The following ARHGAP22 variants were observed in gnomAD, a reference collection of about 807,000 sequenced individuals.
The protein encoded by ARHGAP22 is Rho GTPase activating protein 22.
ARHGAP22 carries 48 observed loss-of-function variants against 59.1 expected under a neutral mutation model. That is an observed-to-expected ratio of 0.81 (90% CI 0.64 to 1.03). The LOEUF (loss-of-function observed/expected upper bound fraction) is 1.03, where lower values mean the gene tolerates loss of function less well. Among genes scored for constraint, ARHGAP22 ranks in the 50% least tolerant of loss-of-function variants. The pLI is 0.00. For missense variants in ARHGAP22, 1,015 were observed against 958.7 expected (o/e 1.06, Z -0.78); for synonymous variants, 445 against 416.4 (o/e 1.07, Z -0.84).
At chr10:48,536,454 A>G (rs1326976048) in intron 3 of ARHGAP22, among the ~76,000 whole-genome samples, 2 of 152,242 alleles carry the variant, frequency 1.3e-5, no homozygotes, top group Non-Finnish European at 1.5e-5. Context: ...GGTCAGACCC[A>G]GCTCTACTGT....
intron 3 of ARHGAP22, among the ~76,000 whole-genome samples, chr10:48,542,318 T>C (rs2056033693): frequency 6.6e-6 from 1 of 152,256 alleles, no homozygotes; most frequent in Non-Finnish European, 1.5e-5. Context: ...AACTAGGGCA[T>C]GTGCTCAGTG....
chr10:48,473,541 A>G (rs9308224), intron 4 of ARHGAP22, among the ~76,000 whole-genome samples: 96,408 of 128,716 alleles, frequency 0.75, 32,911 homozygotes, highest in Non-Finnish European at 0.81. Flanking sequence ...TACTCAGAGA[A>G]CGCTGAGGAC....
chr10:48,441,744 G>A (rs901831006), downstream of ARHGAP22, among the ~76,000 whole-genome samples: 5 of 152,236 alleles, frequency 3.3e-5, no homozygotes, highest in East Asian at 3.9e-4. Flanking sequence ...GAGCCACCGC[G>A]CCCGGCCAGG....
chr10:48,575,313 G>C (rs59419235), intron 2 of ARHGAP22: 37,977 of 152,192 alleles, frequency 0.25, 6,885 homozygotes, highest in East Asian at 0.65. Context: ...GGAGAATGGA[G>C]TAACAGAGTT....
intron 1 of ARHGAP22, among the ~76,000 whole-genome samples, chr10:48,602,808 C>A (rs11595921): frequency 6.6e-6 from 1 of 152,062 alleles, no homozygotes; most frequent in African/African-American, 2.4e-5. Flanking sequence ...ATGGTAAATA[C>A]CATAAAGAAA....
At chr10:48,587,210 C>A (rs182498342) in intron 1 of ARHGAP22, among the ~76,000 whole-genome samples, 1 of 152,206 alleles carries the variant, frequency 6.6e-6, no homozygotes, top group Non-Finnish European at 1.5e-5. Flanking sequence ...CCATCTCAAG[C>A]CAGCAAGGGG....
downstream of ARHGAP22, among the ~76,000 whole-genome samples, chr10:48,443,661 G>A (rs1045572458): frequency 1.3e-5 from 2 of 152,168 alleles, no homozygotes; most frequent in African/African-American, 4.8e-5. Context: ...GGGCTCTGCA[G>A]GGGCCTGGGG....
At chr10:48,463,739 C>CT (rs2047380557) in intron 4 of ARHGAP22, among the ~76,000 whole-genome samples, 1 of 152,350 alleles carries the variant, frequency 6.6e-6, no homozygotes, top group East Asian at 1.9e-4. Flanking sequence ...CTGCCTGCCA[C>CT]TACTCCAGAC....
intron 3 of ARHGAP22, among the ~76,000 whole-genome samples, chr10:48,513,741 G>A (rs1220671193): frequency 6.6e-6 from 1 of 152,274 alleles, no homozygotes; most frequent in East Asian, 1.9e-4. Flanking sequence ...AAGATTGTAA[G>A]ATACCCAAGA....
chr10:48,457,257 G>A (rs1013986295), intron 5 of ARHGAP22, among the ~76,000 whole-genome samples: 5 of 152,060 alleles, frequency 3.3e-5, no homozygotes, highest in African/African-American at 7.2e-5. Context: ...CCTAGAGTCC[G>A]TTTCTCATCA....
At chr10:48,588,381 C>T (rs1351475345) in intron 1 of ARHGAP22, among the ~76,000 whole-genome samples, 2 of 152,236 alleles carry the variant, frequency 1.3e-5, no homozygotes, top group Non-Finnish European at 2.9e-5. Context: ...CAATCACACA[C>T]ATATTAGGCT....
intron 3 of ARHGAP22, among the ~76,000 whole-genome samples, chr10:48,527,970 A>G (rs1435335838): frequency 6.6e-6 from 1 of 152,206 alleles, no homozygotes; most frequent in African/African-American, 2.4e-5. Context: ...AGGAGGCTGG[A>G]CACCAGCTTT....
At chr10:48,565,509 A>G (rs1260065988) in intron 2 of ARHGAP22, among the ~76,000 whole-genome samples, 1 of 152,162 alleles carries the variant, frequency 6.6e-6, no homozygotes, top group Non-Finnish European at 1.5e-5. Flanking sequence ...TATTGCTGTG[A>G]TCATGCATTA....
chr10:48,518,177 C>G (rs2053475359), intron 3 of ARHGAP22, among the ~76,000 whole-genome samples: 1 of 152,128 alleles, frequency 6.6e-6, no homozygotes, highest in Non-Finnish European at 1.5e-5. Flanking sequence ...GAGCAAGGCC[C>G]GCAGGACGGC....
rs147675619 is a variant in ARHGAP22 at position 48,485,330 on chromosome 10, C to A, written c.323-5566G>T. On this transcript the variant is annotated intron_variant, in intron 3 of 9. Transcript: ENST00000249601. ...TTTCATTTTAATTCAGTTCAAAATACCTTCTAGTTTCCCTTTGGATTTCTT... is the reference window on the plus strand; with the variant it reads ...TTTCATTTTAATTCAGTTCAAAATAACTTCTAGTTTCCCTTTGGATTTCTT... Among the ~76,000 whole-genome samples the A allele has an allele frequency of 4.3e-3, 652 of 152,260 alleles. 3 individuals carry two copies. Among genetic ancestry groups the A allele is most frequent in the African/African-American group, 0.015 (607 of 41,546 alleles).
At chr10:48,566,975 C>T (rs935297) in intron 2 of ARHGAP22, among the ~76,000 whole-genome samples, 58,762 of 152,046 alleles carry the variant, frequency 0.39, 12,802 homozygotes, top group East Asian at 0.89. Context: ...GACTTGCAGC[C>T]TAAGCTGGAA....
chr10:48,504,795 G>A (rs2051914213), intron 3 of ARHGAP22, among the ~76,000 whole-genome samples: 1 of 152,154 alleles, frequency 6.6e-6, no homozygotes, highest in Non-Finnish European at 1.5e-5. Context: ...GATGCAGGTG[G>A]TGACAGGCAC....
intron 1 of ARHGAP22, among the ~76,000 whole-genome samples, chr10:48,601,945 G>A (rs938103174): frequency 2.6e-5 from 4 of 152,182 alleles, no homozygotes; most frequent in Admixed American, 2.6e-4. Context: ...CAGGTGCAGA[G>A]GTCTTCAGAT....
At chr10:48,581,434 T>C (rs7086075) in intron 2 of ARHGAP22, among the ~76,000 whole-genome samples, 61,689 of 152,148 alleles carry the variant, frequency 0.41, 13,389 homozygotes, top group Non-Finnish European at 0.49. Flanking sequence ...ACAGCTAGCA[T>C]GCTAGGTCTC....
Sources: allele counts gnomAD v4.1 joint callset (sites outside exome capture counted in the v4.1 genomes callset), GRCh38; gene constraint gnomAD v4.1.1; transcripts MANE v1.5; gene names NCBI Gene and HGNC (gene_info 2026-07-23, HGNC 2026-07-21).